TNFAIP3: variants seen among roughly 807,000 people sequenced by gnomAD.
TNFAIP3 encodes tumor necrosis factor alpha-induced protein 3.
Under a neutral mutation model 72.4 loss-of-function variants are expected in TNFAIP3, and 9 were observed. The ratio of observed to expected loss-of-function variants is 0.12; its 90% CI spans 0.07 to 0.22. The LOEUF (loss-of-function observed/expected upper bound fraction) is 0.22, where lower values mean the gene tolerates loss of function less well. TNFAIP3 is among the 10% of genes least tolerant of loss of function. The pLI, the probability that TNFAIP3 is intolerant of heterozygous loss-of-function variation, is 1.00. For synonymous variants in TNFAIP3, 339 were observed against 372.6 expected, an observed-to-expected ratio of 0.91 and a Z score of 1.04; for missense variants, 833 against 1,018.7, an observed-to-expected ratio of 0.82 and a Z score of 2.48.
rs1259603242 is a variant in TNFAIP3 at position 137,882,717 on chromosome 6, T to TG, written c.*1405dup. ...TTTATTTTCTGTTAACACTGTGTCCTGGGGGGGCTGGGAAGTCCCCTGCAT... is the reference window on the plus strand; with the variant it reads ...TTTATTTTCTGTTAACACTGTGTCCTGGGGGGGGCTGGGAAGTCCCCTGCAT... On this transcript the variant is annotated 3_prime_UTR_variant, in exon 9 of 9. Coordinates refer to ENST00000612899, the MANE Select transcript of TNFAIP3 (RefSeq NM_001270508.2). 13 of 232,464 alleles carry TG rather than the reference T, an allele frequency of 5.6e-5. No homozygotes were observed. Among genetic ancestry groups the TG allele is most frequent in the Middle Eastern group, 1.2e-3 (1 of 808 alleles). 14.4% of individuals were successfully genotyped at this position (232,464 alleles called of 1,614,324 possible). A position where few individuals can be genotyped will look rare whatever the true frequency, so the allele number is the denominator to read the frequency against.
At chr6:137,875,650 G>A in intron 3 of TNFAIP3, 38 bp from the exon 4 acceptor site, 1 of 1,612,310 alleles carries the variant, frequency 6.2e-7, no homozygotes, top group Non-Finnish European at 8.5e-7. Context: ...GGGAGTACAG[G>A]ATACATTCAA....
Position 137,877,244 on chromosome 6 carries a change from T to A in TNFAIP3, c.974T>A (p.Ile325Asn). 6.2e-7 allele frequency: 1 copy of A among 1,608,454 alleles called. No individual in the cohort carries two copies. Among genetic ancestry groups the A allele is most frequent in the Non-Finnish European group, 8.5e-7 (1 of 1,177,674 alleles). Residue 325 changes from isoleucine to asparagine, a missense_variant, in exon 6 of 9, where the codon ATC becomes AAC. Transcript: ENST00000612899. ...TGGGACCATGGCACAACTCATCTCA[T>A]CAATGCCGCAAAGTAAGCAGTTTAT... ...QGWDHGTTHLINAAKLDEANL... is the reference protein window; with the variant it reads ...QGWDHGTTHLNNAAKLDEANL...
chr6:137,880,016 CTG>C (rs2114509579), intron 7 of TNFAIP3, 53 bp from the exon 8 acceptor site: 1 of 1,529,964 alleles, frequency 6.5e-7, no homozygotes, highest in African/African-American at 1.4e-5. Flanking sequence ...GTCAGCATCT[CTG>C]TATCGGTGGG....
rs1413802719 is a variant in TNFAIP3, at chr6:137,882,352, T to C, written c.*1033T>C. On this transcript the variant is annotated 3_prime_UTR_variant, in exon 9 of 9. Transcript: ENST00000612899. ...CTTCAAGATTATTTAAGTGAAGATATTTCTTCAGCTCTGGGGAAAATGCCA... is the reference window on the plus strand; with the variant it reads ...CTTCAAGATTATTTAAGTGAAGATACTTCTTCAGCTCTGGGGAAAATGCCA... 1.3e-5 allele frequency: 3 copies of C among 232,320 alleles called. No individual in the cohort carries two copies. The Admixed American group carries it at 1.7e-4, about 13-fold the overall frequency. The allele number at this position is 232,320 out of a possible 1,614,324, so 14.4% of individuals were successfully genotyped here.
intron 2 of TNFAIP3, among the ~76,000 whole-genome samples, chr6:137,872,596 T>C (rs998085244): frequency 3.3e-5 from 5 of 152,352 alleles, no homozygotes; most frequent in Middle Eastern, 3.4e-3. Flanking sequence ...CATGGGTTTT[T>C]AAATTTTGAT....
chr6:137,870,743 G>C (rs995189008), intron 1 of TNFAIP3, among the ~76,000 whole-genome samples: 1 of 152,238 alleles, frequency 6.6e-6, no homozygotes, highest in African/African-American at 2.4e-5. Context: ...CCCAAGAGCA[G>C]GAGTGCTTGG....
chr6:137,878,821 C>T lies in TNFAIP3; in HGVS notation c.1376C>T (p.Ser459Leu), dbSNP rs2114500167. Reference sequence around the variant, plus strand: ...GAGGAGTCCACTGGGGGGCCTCATTCGGCCCCACCGACAGCACCCAGCCCT... The same window carrying T: ...GAGGAGTCCACTGGGGGGCCTCATTTGGCCCCACCGACAGCACCCAGCCCT... ...NPEESTGGPH[S>L]APPTAPSPFL... The change falls in exon 7 of 9, where the codon TCG (serine) becomes TTG (leucine). Residue 459 changes from serine to leucine, a missense_variant. Physicochemically the swap from Ser to Leu is moderately radical, Grantham distance 145. Coordinates refer to ENST00000612899, the MANE Select transcript of TNFAIP3 (RefSeq NM_001270508.2). 1.9e-6 allele frequency: 3 copies of T among 1,614,106 alleles called. No individual in the cohort carries two copies. Among genetic ancestry groups the T allele is most frequent in the South Asian group, 1.1e-5 (1 of 91,076 alleles).
intron 1 of TNFAIP3, among the ~76,000 whole-genome samples, chr6:137,869,467 G>A (rs1405394182): frequency 6.6e-6 from 1 of 152,074 alleles, no homozygotes; most frequent in African/African-American, 2.4e-5. Flanking sequence ...TTTTTATCCT[G>A]CTATGATTTT....
intron 7 of TNFAIP3, 142 bp downstream of exon 7, chr6:137,879,493 G>A: frequency 2.0e-6 from 2 of 1,018,580 alleles, no homozygotes; most frequent in Admixed American, 2.8e-5. Context: ...CTTGTGCAGG[G>A]GACAGTCACG....
intron 7 of TNFAIP3, among the ~76,000 whole-genome samples, 179 bp from the exon 8 acceptor site, chr6:137,879,891 TA>T (rs1776389649): frequency 6.6e-6 from 1 of 152,224 alleles, no homozygotes; most frequent in African/African-American, 2.4e-5. Context: ...GATGTTTCCA[TA>T]ATAGGGATGT....
In TNFAIP3 at chr6:137,874,826, TCC is replaced by T. The variant is rs753018975; in HGVS notation, c.296-18_296-17del. On this transcript the variant is annotated splice_polypyrimidine_tract_variant and intron_variant, in intron 2 of 8. Coordinates refer to ENST00000612899, the MANE Select transcript of TNFAIP3 (RefSeq NM_001270508.2). Reference sequence around the variant, plus strand: ...AGATAACTTGACTTTCCTTCTCTTCTCCTCCTTTCTGTCCTCAGGTGACGGCA... The same window carrying T: ...AGATAACTTGACTTTCCTTCTCTTCTTCCTTTCTGTCCTCAGGTGACGGCA... The T allele has an allele frequency of 4.0e-4, 99 of 247,200 alleles. No homozygotes were observed. In the East Asian group the frequency reaches 0.067, roughly 168 times the overall value. The allele number at this position is 247,200 out of a possible 1,614,324, so 15.3% of individuals were successfully genotyped here. A position where few individuals can be genotyped will look rare whatever the true frequency, so the allele number is the denominator to read the frequency against.
At position 137,874,925 on chromosome 6, in the gene TNFAIP3, C is replaced by T. The variant is rs781453538; in HGVS notation, c.376C>T (p.Leu126=). 1.9e-6 allele frequency: 3 copies of T among 1,614,238 alleles called. No individual in the cohort carries two copies. The highest frequency in any genetic ancestry group is 3.3e-5 in the Admixed American group (2 of 60,030). Residue 126 remains leucine (L), a synonymous_variant, in exon 3 of 9, where the codon CTG becomes TTG. Transcript: ENST00000612899. ...CACAGACTTGGTACTGAGGAAGGCG[C>T]TGTTCAGCACGCTCAAGGAAACAGA... is the stretch of plus-strand genomic sequence containing the variant. ...QDTDLVLRKA[L]FSTLKETDTR...
At chr6:137,878,316 T>G (rs1441835318) in intron 6 of TNFAIP3, 116 bp from the exon 7 acceptor site, 1 of 899,066 alleles carries the variant, frequency 1.1e-6, no homozygotes, top group African/African-American at 1.7e-5. Flanking sequence ...CAGTGAATGG[T>G]TCTACAATTC....
At position 137,881,550 on chromosome 6, in the gene TNFAIP3, C is replaced by G; in HGVS notation, c.*231C>G. ...GCTTGTAACTGGCAAGGGATGATGT[C>G]AGATTCAGCCCAAGGTTCCTCCTCT... On this transcript the variant is annotated 3_prime_UTR_variant, in exon 9 of 9. Transcript: ENST00000612899. The surrounding 1 kb of genome is among the most constrained non-coding windows in gnomAD (Gnocchi z 5.0). 2.3e-6 allele frequency: 1 copy of G among 440,964 alleles called. No individual in the cohort carries two copies. The highest frequency in any genetic ancestry group is 4.0e-6 in the Non-Finnish European group (1 of 250,754). 27.3% of individuals were successfully genotyped at this position (440,964 alleles called of 1,614,324 possible).
At position 137,881,133 on chromosome 6, in the gene TNFAIP3, C is replaced by T. The variant is rs771242660; in HGVS notation, c.2187C>T (p.Ser729=). ...ASCKNILACR[S]EELCMECQHP... is the part of the protein sequence containing the mutation. Reference sequence around the variant, plus strand: ...GCAAGAACATCCTGGCCTGCCGCAGCGAGGAGCTCTGCATGGAGTGTCAGC... The same window carrying T: ...GCAAGAACATCCTGGCCTGCCGCAGTGAGGAGCTCTGCATGGAGTGTCAGC... The change falls in exon 9 of 9, where the codon AGC becomes AGT. Residue 729 remains serine (S), a synonymous_variant. Coordinates refer to ENST00000612899, the MANE Select transcript of TNFAIP3 (RefSeq NM_001270508.2). This position sits in a 1 kb window ranked among gnomAD's most constrained non-coding sequence, Gnocchi z 5.0. 20 of 1,613,908 alleles carry T rather than the reference C, an allele frequency of 1.2e-5. No individual in the cohort carries two copies. The highest frequency in any genetic ancestry group is 2.2e-5 in the East Asian group (1 of 44,850).
At position 137,875,814 on chromosome 6, in the gene TNFAIP3, A is replaced by C. The variant is rs1376701211; in HGVS notation, c.613A>C (p.Arg205=). 4 of 1,614,244 alleles carry C rather than the reference A, an allele frequency of 2.5e-6. No individual in the cohort carries two copies. In the Admixed American group the frequency reaches 6.7e-5, roughly 27 times the overall value. The change falls in exon 4 of 9, where the codon AGG becomes CGG. Residue 205 remains arginine, a synonymous_variant. Transcript: ENST00000612899. ...ATTTGTCCTTTGCAACATCCTCAGA[A>C]GGCCAATCATTGTCATTTCAGGTGA... ...HIFVLCNILR[R]PIIVISDKML...
At chr6:137,876,713 C>A (rs1290804007) in intron 5 of TNFAIP3, among the ~76,000 whole-genome samples, 1 of 152,162 alleles carries the variant, frequency 6.6e-6, no homozygotes. Flanking sequence ...GCCTTGGTAG[C>A]CTTATTTTAC....
In TNFAIP3 at chr6:137,882,097, T is replaced by C. The variant is rs1776483412; in HGVS notation, c.*778T>C. ...GTTAGCTTGAACTGAGGAGTAAAAG[T>C]GTGTACATATATAATATACCCTTAC... On this transcript the variant is annotated 3_prime_UTR_variant, in exon 9 of 9. Transcript: ENST00000612899. 8.6e-6 allele frequency: 2 copies of C among 231,434 alleles called. No individual in the cohort carries two copies. The highest frequency in any genetic ancestry group is 1.1e-4 in the Admixed American group (2 of 17,736). The allele number at this position is 231,434 out of a possible 1,614,324, so 14.3% of individuals were successfully genotyped here.
At position 137,878,773 on chromosome 6, in the gene TNFAIP3, A is replaced by G. The variant is rs371312281; in HGVS notation, c.1328A>G (p.Tyr443Cys). Reference sequence around the variant, plus strand: ...CTCGGGGCCTCTCGGGGAGAAGCCTATGAGCCCTTGGCGTGGAACCCTGAG... The same window carrying G: ...CTCGGGGCCTCTCGGGGAGAAGCCTGTGAGCCCTTGGCGTGGAACCCTGAG... Reference protein sequence around the residue: ...MALGASRGEAYEPLAWNPEES... With the variant: ...MALGASRGEACEPLAWNPEES... The change falls in exon 7 of 9, where the codon TAT becomes TGT. Residue 443 changes from tyrosine to cysteine, a missense_variant. Transcript: ENST00000612899. 3.1e-6 allele frequency: 5 copies of G among 1,614,100 alleles called. No homozygotes were observed. Among genetic ancestry groups the G allele is most frequent in the Non-Finnish European group, 4.2e-6 (5 of 1,180,018 alleles).
Sources: gnomAD v4.1 joint callset for allele counts (sites outside exome capture counted in the v4.1 genomes callset) on GRCh38, gnomAD v4.1.1 for gene constraint, Gnocchi (gnomAD v3.1) non-coding constraint, MANE v1.5 for transcripts, NCBI Gene and HGNC (gene_info 2026-07-23, HGNC 2026-07-21) for gene names.